TIAM1: variants seen among roughly 807,000 people sequenced by gnomAD.
TIAM1 encodes the protein rho guanine nucleotide exchange factor TIAM1.
A neutral mutation model predicts 163.5 loss-of-function variants in TIAM1; 65 were observed. The observed-to-expected ratio is 0.40, with a 90% CI of 0.33 to 0.49. The LOEUF (loss-of-function observed/expected upper bound fraction) is 0.49, where lower values mean the gene tolerates loss of function less well. TIAM1 is among the 20% of genes least tolerant of loss of function. The pLI, the probability that TIAM1 is intolerant of heterozygous loss-of-function variation, is 0.77. For missense variants in TIAM1, 1,789 were observed against 2,044.7 expected, an observed-to-expected ratio of 0.87 and a Z score of 2.41; for synonymous variants, 833 against 810.1, an observed-to-expected ratio of 1.03 and a Z score of -0.48.
rs1381347942 is a variant in TIAM1 at position 31,187,042 on chromosome 21, T to G, written c.2621A>C (p.Tyr874Ser). 3 of 1,614,040 alleles carry G rather than the reference T, an allele frequency of 1.9e-6. No individual in the cohort carries two copies. The African/African-American group carries it at 4.0e-5, about 22-fold the overall frequency. Residue 874 changes from tyrosine to serine, a missense_variant, in exon 14 of 28, where the codon TAC (tyrosine) becomes TCC (serine). Physicochemically the swap from Tyr to Ser is moderately radical, Grantham distance 144 (BLOSUM62 -2). Transcript: ENST00000541036. ...SVEEDGIRRL[Y>S]VNSVKETGLA... ...ACCGGTTTCCTTCACACTATTCACGTACAGCCTTCGAATACCATCTTCTTC... is the reference window on the plus strand; with the variant it reads ...ACCGGTTTCCTTCACACTATTCACGGACAGCCTTCGAATACCATCTTCTTC...
At chr21:31,145,784 C>T (rs372407927) in intron 20 of TIAM1, among the ~76,000 whole-genome samples, 7 of 149,030 alleles carry the variant, frequency 4.7e-5, no homozygotes, top group African/African-American at 1.5e-4. Flanking sequence ...AAAAGGTATA[C>T]GGTAAGTCCT....
At chr21:31,471,850 C>T (rs986962560) in intron 1 of TIAM1, among the ~76,000 whole-genome samples, 1 of 148,044 alleles carries the variant, frequency 6.8e-6, no homozygotes, top group African/African-American at 2.6e-5. Flanking sequence ...GCCTGGGCAA[C>T]AAGAGCGAAA....
chr21:31,275,575 T>G (rs919767544), intron 3 of TIAM1, among the ~76,000 whole-genome samples: 3 of 152,256 alleles, frequency 2.0e-5, no homozygotes, highest in African/African-American at 7.2e-5. Flanking sequence ...ATTTGTACAC[T>G]GGCACATTTG....
At chr21:31,221,776 T>A (rs1308297438) in intron 8 of TIAM1, among the ~76,000 whole-genome samples, 1 of 152,222 alleles carries the variant, frequency 6.6e-6, no homozygotes, top group Non-Finnish European at 1.5e-5. Flanking sequence ...TGGATGATAT[T>A]CTGACAAGGA....
chr21:31,558,682 C>A, intron 1 of TIAM1, among the ~76,000 whole-genome samples: 1 of 152,126 alleles, frequency 6.6e-6, no homozygotes, highest in Non-Finnish European at 1.5e-5. Flanking sequence ...CTCCCTCCTT[C>A]GCGCGAGGGA....
At chr21:31,265,874 A>G (rs1477945681) in intron 4 of TIAM1, 136 bp downstream of exon 4, 2 of 1,241,562 alleles carry the variant, frequency 1.6e-6, no homozygotes, top group African/African-American at 3.0e-5. Flanking sequence ...CTCCCAAAAC[A>G]GCACCAGCTG....
chr21:31,279,093 T>C (rs1184869109), intron 2 of TIAM1, among the ~76,000 whole-genome samples: 2 of 152,008 alleles, frequency 1.3e-5, no homozygotes, highest in Admixed American at 6.5e-5. Flanking sequence ...TTTTTCTCTA[T>C]CTATATTCTT....
intron 1 of TIAM1, among the ~76,000 whole-genome samples, chr21:31,553,536 G>T (rs2048765073): frequency 6.6e-6 from 1 of 152,176 alleles, no homozygotes; most frequent in African/African-American, 2.4e-5. Context: ...ACGAGCTCAT[G>T]AGACCCTCCT....
chr21:31,317,389 G>A (rs1601940048), intron 2 of TIAM1, among the ~76,000 whole-genome samples: 1 of 152,190 alleles, frequency 6.6e-6, no homozygotes, highest in Non-Finnish European at 1.5e-5. Flanking sequence ...GGAGGCGGAG[G>A]TTGTGGTGAG....
chr21:31,137,562 T>C lies in TIAM1; in HGVS notation c.3775-1521A>G, dbSNP rs997332946. Among the ~76,000 whole-genome samples, 4 of 151,822 alleles carry C rather than the reference T, an allele frequency of 2.6e-5. No individual in the cohort carries two copies. The South Asian group carries it at 8.4e-4, about 32-fold the overall frequency. ...GCCACAGCCCCTGGGAGTACGTCTT[T>C]AAAAGTGATTAAAGGCCAACATGGT... On this transcript the variant is annotated intron_variant, in intron 22 of 27. Coordinates refer to ENST00000541036, the MANE Select transcript of TIAM1 (RefSeq NM_001353694.2).
chr21:31,395,598 C>T lies in TIAM1; in HGVS notation c.-368-56176G>A, dbSNP rs550963744. On this transcript the variant is annotated intron_variant, in intron 2 of 28. Coordinates refer to the TIAM1 transcript ENST00000286827. This position sits in a 1 kb window ranked among gnomAD's most constrained non-coding sequence, Gnocchi z 7.5. Reference sequence around the variant, plus strand: ...TCTCTCCAACTGAGAAAGCAGATTGCGTTACATTTCTCCACATAAATGAAC... The same window carrying T: ...TCTCTCCAACTGAGAAAGCAGATTGTGTTACATTTCTCCACATAAATGAAC... Among the ~76,000 whole-genome samples the T allele has an allele frequency of 2.7e-4, 41 of 152,258 alleles. No individual in the cohort carries two copies. Among genetic ancestry groups the T allele is most frequent in the South Asian group, 8.3e-4 (4 of 4,820 alleles).
At chr21:31,349,094 G>A (rs1387205074), upstream of TIAM1, among the ~76,000 whole-genome samples, 1 of 152,182 alleles carries the variant, frequency 6.6e-6, no homozygotes, top group Non-Finnish European at 1.5e-5. Context: ...AATGATGAAT[G>A]TTCGATTTAA....
Position 31,127,108 on chromosome 21 carries a change from C to T in TIAM1, c.4090G>A (p.Glu1364Lys), listed in dbSNP as rs758304740. 7 of 1,613,928 alleles carry T rather than the reference C, an allele frequency of 4.3e-6. No homozygotes were observed. The highest frequency in any genetic ancestry group is 2.2e-5 in the East Asian group (1 of 44,892). Residue 1364 changes from glutamate to lysine, a missense_variant, in exon 26 of 28, where the codon GAG (glutamate) becomes AAG (lysine). Glu to Lys is a moderately conservative substitution (Grantham distance 56). Around this residue, in one of 5 missense-constraint regions of TIAM1, gnomAD observed 415 missense variants for 439.2 expected, o/e 0.94. Transcript: ENST00000541036. Reference sequence around the variant, plus strand: ...ACCCTCTCCGGCCTCCCTTCAGACTCGGATTTTACATGGACAATTTCACAC... The same window carrying T: ...ACCCTCTCCGGCCTCCCTTCAGACTTGGATTTTACATGGACAATTTCACAC... ...AVCEIVHVKS[E>K]SEGRPERVFH...
intron 13 of TIAM1, among the ~76,000 whole-genome samples, chr21:31,191,422 G>A (rs952691490): frequency 2.0e-5 from 3 of 152,158 alleles, no homozygotes; most frequent in East Asian, 1.9e-4. Flanking sequence ...CCAAAATGCT[G>A]GGATTACAGG....
intron 6 of TIAM1, among the ~76,000 whole-genome samples, chr21:31,230,154 C>T (rs78928758): frequency 2.0e-5 from 3 of 152,136 alleles, no homozygotes; most frequent in Non-Finnish European, 2.9e-5. Context: ...ACCCTCACCC[C>T]CTAACTCACA....
At chr21:31,135,064 A>G (rs1003944980) in intron 23 of TIAM1, among the ~76,000 whole-genome samples, 2 of 152,216 alleles carry the variant, frequency 1.3e-5, no homozygotes, top group African/African-American at 2.4e-5. Context: ...CCACAAAAAT[A>G]ATATAAGGCA....
intron 2 of TIAM1, among the ~76,000 whole-genome samples, chr21:31,371,787 T>C (rs1472521197): frequency 6.6e-6 from 1 of 152,170 alleles, no homozygotes; most frequent in Non-Finnish European, 1.5e-5. Flanking sequence ...AAAGTCCTTC[T>C]AACTCCTCAG....
rs938458114 is a variant in TIAM1, at chr21:31,464,609, G to A, written c.-421-574C>T. On this transcript the variant is annotated intron_variant, in intron 1 of 28. Coordinates refer to the TIAM1 transcript ENST00000286827. ...TGTAATCCTAGCACTTTGGAAGGCC[G>A]AGGTGGGTGGATCACTCGAGGTCAG... Among the ~76,000 whole-genome samples, 6 of 151,972 alleles carry A rather than the reference G, an allele frequency of 3.9e-5. No individual in the cohort carries two copies. In the South Asian group the frequency reaches 6.3e-4, roughly 16 times the overall value.
At chr21:31,154,137 C>T (rs879026768) in intron 17 of TIAM1, 110 bp downstream of exon 17, 24 of 1,227,726 alleles carry the variant, frequency 2.0e-5, no homozygotes, top group Middle Eastern at 2.0e-4. Flanking sequence ...GAAACCAAGA[C>T]GCTCTTCATG....
Sources: gnomAD v4.1 joint callset for allele counts (sites outside exome capture counted in the v4.1 genomes callset) on GRCh38, gnomAD v4.1.1 for gene constraint, gnomAD v4.1.1 regional missense constraint, Gnocchi (gnomAD v3.1) non-coding constraint, MANE v1.5 for transcripts, NCBI Gene and HGNC (gene_info 2026-07-23, HGNC 2026-07-21) for gene names.